GRID2: variants seen among roughly 807,000 people sequenced by gnomAD.
GRID2 encodes the protein glutamate ionotropic receptor delta type subunit 2.
A neutral mutation model predicts 114.8 loss-of-function variants in GRID2; 33 were observed. That is an observed-to-expected ratio of 0.29 (90% CI 0.22 to 0.38). GRID2 has a LOEUF of 0.38. Ranked by LOEUF, GRID2 falls within the 10% of genes least tolerant of loss-of-function variation. The pLI is 1.00. For synonymous variants in GRID2, 505 were observed against 449.9 expected (o/e 1.12, Z -1.55); for missense variants, 1,184 against 1,257.7 (o/e 0.94, Z 0.89).
chr4:92,455,081 C>T (rs1044517107), intron 1 of GRID2, among the ~76,000 whole-genome samples: 1 of 152,116 alleles, frequency 6.6e-6, no homozygotes, highest in African/African-American at 2.4e-5. Flanking sequence ...TATAGCACCG[C>T]TGTAAATTTC....
chr4:93,320,337 A>G lies in GRID2; in HGVS notation c.1246-75270A>G, dbSNP rs559004478. Reference sequence around the variant, plus strand: ...CATAAAAGATAAGGTCAAAGAGCTGAGGTTGGTAAATTGATGAAGATCTAA... The same window carrying G: ...CATAAAAGATAAGGTCAAAGAGCTGGGGTTGGTAAATTGATGAAGATCTAA... On this transcript the variant is annotated intron_variant, in intron 8 of 15. Coordinates refer to ENST00000282020, the MANE Select transcript of GRID2 (RefSeq NM_001510.4). 2.6e-5 allele frequency among the ~76,000 whole-genome samples: 4 copies of G among 152,224 alleles called. No homozygotes were observed. The East Asian group carries it at 7.7e-4, about 29-fold the overall frequency.
chr4:92,767,802 G>A (rs914558122), intron 2 of GRID2, among the ~76,000 whole-genome samples: 2 of 151,890 alleles, frequency 1.3e-5, no homozygotes, highest in Non-Finnish European at 2.9e-5. Context: ...ACTACTGGGA[G>A]GGTTGTGGCA....
At chr4:92,684,356 T>A (rs1733800391) in intron 2 of GRID2, among the ~76,000 whole-genome samples, 1 of 151,934 alleles carries the variant, frequency 6.6e-6, no homozygotes, top group African/African-American at 2.4e-5. Context: ...TTAAACATAA[T>A]TTTACTATAA....
chr4:92,551,179 C>T (rs1726566425), intron 1 of GRID2, among the ~76,000 whole-genome samples: 1 of 151,850 alleles, frequency 6.6e-6, no homozygotes, highest in Non-Finnish European at 1.5e-5. Flanking sequence ...AAGTGATTAG[C>T]TGTGTCATTC....
At chr4:92,361,279 T>C (rs1728607499) in intron 1 of GRID2, among the ~76,000 whole-genome samples, 1 of 152,016 alleles carries the variant, frequency 6.6e-6, no homozygotes, top group Non-Finnish European at 1.5e-5. Context: ...ATTCTACATG[T>C]TCCTACTAAA....
At chr4:93,207,504 A>G (rs370739157) in intron 5 of GRID2, 47 bp downstream of exon 5, 9 of 1,187,462 alleles carry the variant, frequency 7.6e-6, no homozygotes, top group South Asian at 2.6e-5. Flanking sequence ...CTTTTTTCAC[A>G]TATATAATTG....
intron 2 of GRID2, among the ~76,000 whole-genome samples, chr4:92,703,259 A>G (rs2149302934): frequency 6.6e-6 from 1 of 152,328 alleles, no homozygotes; most frequent in African/African-American, 2.4e-5. Flanking sequence ...GCCTGTGACA[A>G]TGACATGGAG....
intron 13 of GRID2, among the ~76,000 whole-genome samples, chr4:93,517,904 A>G (rs953328031): frequency 3.3e-5 from 5 of 149,318 alleles, no homozygotes; most frequent in South Asian, 2.1e-4. Context: ...ATATATATGT[A>G]TGTGTGTGTG....
chr4:93,249,646 T>C (rs975490739), intron 8 of GRID2, among the ~76,000 whole-genome samples: 3 of 151,954 alleles, frequency 2.0e-5, no homozygotes, highest in Admixed American at 2.0e-4. Flanking sequence ...TAAACAAATT[T>C]ACAAGAAAAA....
intron 2 of GRID2, among the ~76,000 whole-genome samples, chr4:92,745,310 C>T (rs962032764): frequency 6.6e-6 from 1 of 152,054 alleles, no homozygotes; most frequent in Non-Finnish European, 1.5e-5. Context: ...ACATAATATG[C>T]TCATTTGATT....
At chr4:93,388,895 G>A (rs1352384932) in intron 8 of GRID2, among the ~76,000 whole-genome samples, 2 of 152,126 alleles carry the variant, frequency 1.3e-5, no homozygotes, top group East Asian at 3.9e-4. Flanking sequence ...GCTGATAGTA[G>A]GGATAGATAG....
intron 10 of GRID2, among the ~76,000 whole-genome samples, chr4:93,425,180 C>G (rs1768718043): frequency 6.6e-6 from 1 of 152,124 alleles, no homozygotes; most frequent in African/African-American, 2.4e-5. Flanking sequence ...TGGTTCCTCA[C>G]ATTTCTGGTT....
intron 11 of GRID2, among the ~76,000 whole-genome samples, chr4:93,472,226 A>T (rs1198669702): frequency 6.6e-6 from 1 of 151,816 alleles, no homozygotes; most frequent in Non-Finnish European, 1.5e-5. Context: ...AGGGAGGCTG[A>T]GGCAGGAGAA....
Position 92,691,274 on chromosome 4 carries a change from C to T in GRID2, c.244+100988C>T, listed in dbSNP as rs541734452. Among the ~76,000 whole-genome samples, 5 of 152,086 alleles carry T rather than the reference C, an allele frequency of 3.3e-5. No homozygotes were observed. The South Asian group carries it at 1.0e-3, about 32-fold the overall frequency. On this transcript the variant is annotated intron_variant, in intron 2 of 15. Coordinates refer to ENST00000282020, the MANE Select transcript of GRID2 (RefSeq NM_001510.4). ...TGGTACTTTGCTGAACCTTTTCATA[C>T]ATTTCTTTATATGTAACTTTGCAGG...
At chr4:92,626,257 A>G (rs2149242702) in intron 2 of GRID2, among the ~76,000 whole-genome samples, 1 of 152,102 alleles carries the variant, frequency 6.6e-6, no homozygotes, top group South Asian at 2.1e-4. Flanking sequence ...TAAGAGCATC[A>G]CACAAAATGT....
intron 2 of GRID2, among the ~76,000 whole-genome samples, chr4:92,926,649 G>A (rs2149514506): frequency 6.6e-6 from 1 of 151,986 alleles, no homozygotes; most frequent in Non-Finnish European, 1.5e-5. Context: ...TTTACACAAT[G>A]AATTTCATTG....
At chr4:92,371,974 A>T (rs528166236) in intron 1 of GRID2, among the ~76,000 whole-genome samples, 253 of 152,292 alleles carry the variant, frequency 1.7e-3, no homozygotes, top group African/African-American at 5.8e-3. Context: ...AAGCATTTGA[A>T]GAGGTCAAGA....
At chr4:92,944,395 G>T (rs527313519) in intron 2 of GRID2, among the ~76,000 whole-genome samples, 1 of 152,306 alleles carries the variant, frequency 6.6e-6, no homozygotes, top group East Asian at 1.9e-4. Context: ...ATAATCTCCT[G>T]GTGTCCTGTT....
At chr4:92,322,428 G>A (rs933290267) in intron 1 of GRID2, among the ~76,000 whole-genome samples, 1 of 151,956 alleles carries the variant, frequency 6.6e-6, no homozygotes, top group Non-Finnish European at 1.5e-5. Context: ...ATACTATTAA[G>A]ATAGCTCTTG....
Sources: allele counts gnomAD v4.1 joint callset (sites outside exome capture counted in the v4.1 genomes callset), GRCh38; gene constraint gnomAD v4.1.1; transcripts MANE v1.5; gene names NCBI Gene and HGNC (gene_info 2026-07-23, HGNC 2026-07-21).